RPF1: variants seen among roughly 807,000 people sequenced by gnomAD.
RPF1 encodes ribosome production factor 1 homolog.
RPF1 carries 34 observed loss-of-function variants against 41.9 expected under a neutral mutation model. The observed-to-expected ratio is 0.81, with a 90% CI of 0.62 to 1.08. The LOEUF is 1.08. RPF1 is among the 50% of genes least tolerant of loss of function. The probability of loss-of-function intolerance (pLI) is 0.00; values close to 1 mark genes in which losing one functional copy is unlikely to be tolerated. For missense variants in RPF1, 425 were observed against 435.2 expected, an observed-to-expected ratio of 0.98 and a Z score of 0.21; for synonymous variants, 140 against 148.9, an observed-to-expected ratio of 0.94 and a Z score of 0.43.
chr1:84,494,188 C>T (rs1681889147), intron 5 of RPF1, among the ~76,000 whole-genome samples: 1 of 152,196 alleles, frequency 6.6e-6, no homozygotes, highest in African/African-American at 2.4e-5. Flanking sequence ...AACCACAATA[C>T]TACCTTAATA....
chr1:84,496,474 T>A (rs531336413), intron 8 of RPF1, 104 bp downstream of exon 8: 17 of 973,496 alleles, frequency 1.7e-5, no homozygotes, highest in Non-Finnish European at 2.6e-5. Context: ...CTGGGCTTAA[T>A]ACCTAGGTGA....
At chr1:84,484,163 T>G (rs1395987756) in intron 3 of RPF1, among the ~76,000 whole-genome samples, 5 of 152,222 alleles carry the variant, frequency 3.3e-5, no homozygotes, top group Admixed American at 6.5e-5. Context: ...GTAAGGTGTT[T>G]GTGTGTGTAT....
rs1291853646 is a variant in RPF1, at chr1:84,490,374, A to G, written c.518A>G (p.Tyr173Cys). The G allele has an allele frequency of 6.2e-7, 1 of 1,612,290 alleles. No homozygotes were observed. Among genetic ancestry groups the G allele is most frequent in the Admixed American group, 1.7e-5 (1 of 59,808 alleles). ...ACAGTTATACCAAACTCACATGTTT[A>G]TTACAGAAGAGGACTGGCTCTGAAA... Reference protein sequence around the residue: ...LSTVIPNSHVYYRRGLALKKI... With the variant: ...LSTVIPNSHVCYRRGLALKKI... The change falls in exon 5 of 9, where the codon TAT (tyrosine) becomes TGT (cysteine). Residue 173 changes from tyrosine to cysteine, a missense_variant. By Grantham distance (194) the Tyr-to-Cys change is radical. Transcript: ENST00000370654.
chr1:84,495,380 T>C lies in RPF1; in HGVS notation c.624T>C (p.Leu208=), dbSNP rs12126099. The change falls in exon 6 of 9, where the codon CTT becomes CTC. Residue 208 remains leucine, a synonymous_variant. Coordinates refer to ENST00000370654, the MANE Select transcript of RPF1 (RefSeq NM_025065.7). ...INEDRKTPNG[L]ILSHLPNGPT... ...CTTAACTTTTATGAACAGATGGACT[T>C]ATTTTGAGTCACTTGCCAAATGGCC... 1.4e-3 allele frequency: 2,048 copies of C among 1,439,396 alleles called. 5 individuals are homozygous for C. The highest frequency in any genetic ancestry group is 1.7e-3 in the Non-Finnish European group (1,791 of 1,034,322). The allele number at this position is 1,439,396 out of a possible 1,614,324, so 89.2% of individuals were successfully genotyped here. A position where few individuals can be genotyped will look rare whatever the true frequency, so the allele number is the denominator to read the frequency against.
intron 8 of RPF1, among the ~76,000 whole-genome samples, chr1:84,496,730 A>AG (rs1311361250): frequency 6.6e-6 from 1 of 152,120 alleles, no homozygotes; most frequent in Non-Finnish European, 1.5e-5. Flanking sequence ...TCAGCAATTT[A>AG]GGGGGTGGGA....
Position 84,490,183 on chromosome 1 carries a change from C to A in RPF1, c.463-136C>A. Reference sequence around the variant, plus strand: ...CTTTGATAAAAGAGGACACACTGTTCGAGTTTCATGCTTTCCTCAATGTTG... The same window carrying A: ...CTTTGATAAAAGAGGACACACTGTTAGAGTTTCATGCTTTCCTCAATGTTG... On this transcript the variant is annotated intron_variant, in intron 4 of 8. Coordinates refer to ENST00000370654, the MANE Select transcript of RPF1 (RefSeq NM_025065.7). 1.0e-5 allele frequency: 6 copies of A among 592,714 alleles called. No individual in the cohort carries two copies. In the South Asian group the frequency reaches 1.3e-4, roughly 13 times the overall value. The allele number at this position is 592,714 out of a possible 1,614,324, so 36.7% of individuals were successfully genotyped here. A position where few individuals can be genotyped will look rare whatever the true frequency, so the allele number is the denominator to read the frequency against.
At chr1:84,492,236 C>T (rs1406371857) in intron 5 of RPF1, among the ~76,000 whole-genome samples, 1 of 151,644 alleles carries the variant, frequency 6.6e-6, no homozygotes, top group Non-Finnish European at 1.5e-5. Context: ...AATGGTGACA[C>T]ATGGGGGGAA....
chr1:84,480,432 A>G (rs1301936049), intron 1 of RPF1, among the ~76,000 whole-genome samples: 6 of 152,260 alleles, frequency 3.9e-5, no homozygotes, highest in African/African-American at 1.4e-4. Context: ...ATACAAATAC[A>G]GATAATCTTA....
intron 5 of RPF1, among the ~76,000 whole-genome samples, chr1:84,492,502 C>A (rs11163984): frequency 0.035 from 5,282 of 152,254 alleles, 128 homozygotes; most frequent in African/African-American, 0.053. Context: ...TGATTTTAGT[C>A]ACGTTTCTTA....
intron 3 of RPF1, 99 bp downstream of exon 3, chr1:84,483,094 A>G (rs562077949): frequency 1.4e-6 from 1 of 695,778 alleles, no homozygotes; most frequent in African/African-American, 1.8e-5. Flanking sequence ...GCCAAGTTGC[A>G]TAATGGACTG....
At position 84,482,940 on chromosome 1, in the gene RPF1, C is replaced by G. The variant is rs1026425331; in HGVS notation, c.311C>G (p.Thr104Ser). The change falls in exon 3 of 9, where the codon ACC (threonine) becomes AGC (serine). Residue 104 changes from threonine (T) to serine (S), a missense_variant. Physicochemically the swap from Thr to Ser is moderately conservative, Grantham distance 58. Coordinates refer to ENST00000370654, the MANE Select transcript of RPF1 (RefSeq NM_025065.7). ...GCTCCACCAAAGCCTGTACCCAAGA[C>G]CATTGACAACCAGCGAGTGTATGAT... is the stretch of plus-strand genomic sequence containing the variant. ...DKAPPKPVPK[T>S]IDNQRVYDET... is the part of the protein sequence containing the mutation. 1.9e-6 allele frequency: 3 copies of G among 1,611,338 alleles called. No homozygotes were observed. The African/African-American group carries it at 4.0e-5, about 22-fold the overall frequency.
intron 3 of RPF1, among the ~76,000 whole-genome samples, chr1:84,484,696 T>TC (rs1192439068): frequency 6.6e-6 from 1 of 151,654 alleles, no homozygotes; most frequent in African/African-American, 2.4e-5. Flanking sequence ...TTTTTTTTTT[T>TC]TTTCTCCGAG....
chr1:84,479,629 G>A, intron 1 of RPF1, 120 bp downstream of exon 1: 5 of 937,380 alleles, frequency 5.3e-6, no homozygotes, highest in Non-Finnish European at 8.0e-6. Context: ...GGCTCCGTGG[G>A]AAGGGTGGCG....
chr1:84,479,388 C>T lies in RPF1; in HGVS notation c.107C>T (p.Thr36Met), dbSNP rs557621729. 13 of 1,614,184 alleles carry T rather than the reference C, an allele frequency of 8.1e-6. No individual in the cohort carries two copies. The highest frequency in any genetic ancestry group is 8.0e-5 in the African/African-American group (6 of 75,060). ...QEAAGAGDGA[T>M]ENGVQPPKAA... ...GCTGCAGGCGCTGGGGATGGGGCGA[C>T]GGAAAACGGGGTCCAACCCCCGAAA... is the stretch of plus-strand genomic sequence containing the variant. Residue 36 changes from threonine (T) to methionine (M), a missense_variant, in exon 1 of 9, where the codon ACG becomes ATG. Transcript: ENST00000370654.
At chr1:84,483,296 T>G (rs747457702) in intron 3 of RPF1, 1 of 301,772 alleles carries the variant, frequency 3.3e-6, no homozygotes, top group Non-Finnish European at 6.3e-6. Context: ...AGACAGAGTC[T>G]TGCTCTGTCG....
rs748566264 is a variant in RPF1 at position 84,490,369 on chromosome 1, T to C, written c.513T>C (p.His171=). 1.2e-6 allele frequency: 2 copies of C among 1,611,386 alleles called. No individual in the cohort carries two copies. Among genetic ancestry groups the C allele is most frequent in the Non-Finnish European group, 1.7e-6 (2 of 1,178,718 alleles). ...TCTCCACAGTTATACCAAACTCACA[T>C]GTTTATTACAGAAGAGGACTGGCTC... ...EQLSTVIPNS[H]VYYRRGLALK... is the part of the protein sequence containing the mutation. The change falls in exon 5 of 9, where the codon CAT becomes CAC. Residue 171 remains histidine, a synonymous_variant. Transcript: ENST00000370654.
In RPF1 at chr1:84,480,936, C is replaced by T. The variant is rs1041755882; in HGVS notation, c.229-20C>T. ...ACTGGTTGTTTCTCAGTATTGTTCTCTTTTTTTTTAACCCTTTAGGAAAAG... is the reference window on the plus strand; with the variant it reads ...ACTGGTTGTTTCTCAGTATTGTTCTTTTTTTTTTTAACCCTTTAGGAAAAG... On this transcript the variant is annotated intron_variant, in intron 1 of 8. Transcript: ENST00000370654. 12 of 1,368,842 alleles carry T rather than the reference C, an allele frequency of 8.8e-6. No individual in the cohort carries two copies. In the Admixed American group the frequency reaches 1.6e-4, roughly 19 times the overall value. The allele number at this position is 1,368,842 out of a possible 1,614,324, so 84.8% of individuals were successfully genotyped here. A position where few individuals can be genotyped will look rare whatever the true frequency, so the allele number is the denominator to read the frequency against.
At chr1:84,485,860 T>G (rs1377651846) in intron 3 of RPF1, among the ~76,000 whole-genome samples, 1 of 152,220 alleles carries the variant, frequency 6.6e-6, no homozygotes, top group Non-Finnish European at 1.5e-5. Flanking sequence ...TAGTTTTAAT[T>G]TGCAGTTCTC....
chr1:84,490,051 C>T (rs1029795918), intron 4 of RPF1, among the ~76,000 whole-genome samples: 4 of 152,168 alleles, frequency 2.6e-5, no homozygotes, highest in African/African-American at 9.7e-5. Context: ...ACCACTACCA[C>T]TACCATCAGT....
Sources: allele counts gnomAD v4.1 joint callset (sites outside exome capture counted in the v4.1 genomes callset), GRCh38; gene constraint gnomAD v4.1.1; transcripts MANE v1.5; gene names NCBI Gene and HGNC (gene_info 2026-07-23, HGNC 2026-07-21).